Variants in LANCL2 observed in about 807,000 individuals in gnomAD.
LANCL2 encodes LanC like glutathione S-transferase 2.
Under a neutral mutation model 56.9 loss-of-function variants are expected in LANCL2, and 33 were observed. The observed-to-expected ratio is 0.58, with a 90% CI of 0.44 to 0.78. The LOEUF is 0.78. LANCL2 is among the 30% of genes least tolerant of loss of function. The pLI is 0.00. For synonymous variants in LANCL2, 233 were observed against 228.2 expected, an observed-to-expected ratio of 1.02 and a Z score of -0.19; for missense variants, 562 against 580.2, an observed-to-expected ratio of 0.97 and a Z score of 0.32.
intron 6 of LANCL2, among the ~76,000 whole-genome samples, chr7:55,422,650 C>A (rs566134558): frequency 8.5e-5 from 13 of 152,228 alleles, no homozygotes; most frequent in African/African-American, 2.4e-4. Flanking sequence ...TGCTATTTCC[C>A]TGGTTTTGTA....
intron 6 of LANCL2, among the ~76,000 whole-genome samples, chr7:55,421,595 G>A (rs1379560387): frequency 3.3e-5 from 5 of 152,012 alleles, no homozygotes; most frequent in South Asian, 2.1e-4. Context: ...CGCCAGCCTC[G>A]GCCTCCCTAA....
At chr7:55,406,448 G>T (rs534070681) in intron 5 of LANCL2, among the ~76,000 whole-genome samples, 2 of 152,146 alleles carry the variant, frequency 1.3e-5, no homozygotes, top group Non-Finnish European at 2.9e-5. Context: ...TCTGGTTCCC[G>T]CTTAGCCCTT....
At chr7:55,402,884 G>T (rs550121436) in intron 5 of LANCL2, among the ~76,000 whole-genome samples, 3 of 150,648 alleles carry the variant, frequency 2.0e-5, no homozygotes, top group Admixed American at 2.0e-4. Context: ...GACGATGGGC[G>T]GCCTGGCAGA....
intron 1 of LANCL2, among the ~76,000 whole-genome samples, chr7:55,379,144 C>T (rs144024303): frequency 0.053 from 7,720 of 145,008 alleles, 662 homozygotes; most frequent in African/African-American, 0.18. Flanking sequence ...AGCGAGACTA[C>T]GTCTCAAAAA....
At chr7:55,407,015 C>T (rs972609380) in intron 5 of LANCL2, among the ~76,000 whole-genome samples, 1 of 152,168 alleles carries the variant, frequency 6.6e-6, no homozygotes, top group African/African-American at 2.4e-5. Flanking sequence ...GCCATGTCCC[C>T]AGTAGGCATT....
At chr7:55,408,768 G>A (rs919910008) in intron 5 of LANCL2, among the ~76,000 whole-genome samples, 7 of 152,118 alleles carry the variant, frequency 4.6e-5, no homozygotes, top group Admixed American at 3.9e-4. Context: ...TCCACATCAT[G>A]CCCGTTATTG....
chr7:55,367,225 T>G (rs1458653187), intron 1 of LANCL2, among the ~76,000 whole-genome samples: 1 of 152,170 alleles, frequency 6.6e-6, no homozygotes, highest in Non-Finnish European at 1.5e-5. Flanking sequence ...AGCACAACTG[T>G]TTTCATGCTT....
At chr7:55,399,430 G>A (rs573478028) in intron 3 of LANCL2, among the ~76,000 whole-genome samples, 61 of 148,264 alleles carry the variant, frequency 4.1e-4, no homozygotes, top group African/African-American at 1.4e-3. Context: ...TGCAACGTCC[G>A]CCTCCTGGGT....
At chr7:55,378,166 T>C (rs1476834211) in intron 1 of LANCL2, among the ~76,000 whole-genome samples, 2 of 152,230 alleles carry the variant, frequency 1.3e-5, no homozygotes, top group African/African-American at 4.8e-5. Flanking sequence ...GTTATCTTTA[T>C]AATACCATTA....
intron 3 of LANCL2, 35 bp downstream of exon 3, chr7:55,398,665 T>A: frequency 6.7e-7 from 1 of 1,497,632 alleles, no homozygotes; most frequent in South Asian, 1.1e-5. Flanking sequence ...TTCTCCCAAT[T>A]CCCAGTGGAA....
intron 2 of LANCL2, among the ~76,000 whole-genome samples, chr7:55,393,250 G>C (rs900962127): frequency 6.6e-6 from 1 of 152,136 alleles, no homozygotes; most frequent in Non-Finnish European, 1.5e-5. Flanking sequence ...AAACAGCATA[G>C]GCCAGGTGCG....
intron 6 of LANCL2, among the ~76,000 whole-genome samples, chr7:55,415,761 A>T (rs1790529323): frequency 6.6e-6 from 1 of 151,554 alleles, no homozygotes; most frequent in Admixed American, 6.6e-5. Flanking sequence ...TTACAGGCAC[A>T]CGTCACCATG....
chr7:55,428,270 C>T (rs1790687579), intron 7 of LANCL2, 105 bp from the exon 8 acceptor site: 1 of 985,354 alleles, frequency 1.0e-6, no homozygotes, highest in Non-Finnish European at 1.6e-6. Flanking sequence ...TGCCCTACAG[C>T]TGGGGGTCCA....
intron 1 of LANCL2, among the ~76,000 whole-genome samples, chr7:55,379,339 C>CT (rs1211357013): frequency 6.6e-6 from 1 of 152,144 alleles, no homozygotes; most frequent in Non-Finnish European, 1.5e-5. Flanking sequence ...GAAGTTCTGT[C>CT]TTTTTTATCA....
chr7:55,413,824 A>C (rs1046872412), intron 6 of LANCL2, among the ~76,000 whole-genome samples: 1 of 152,232 alleles, frequency 6.6e-6, no homozygotes, highest in Admixed American at 6.5e-5. Flanking sequence ...TGTCCTCTAC[A>C]TTAAGATTCT....
intron 2 of LANCL2, among the ~76,000 whole-genome samples, chr7:55,392,554 G>C (rs865982): frequency 0.17 from 24,861 of 147,944 alleles, 2,148 homozygotes; most frequent in Middle Eastern, 0.25. Flanking sequence ...TCTCACTGTT[G>C]CTGAGGTTGG....
intron 6 of LANCL2, among the ~76,000 whole-genome samples, chr7:55,414,975 C>T (rs558156515): frequency 6.5e-5 from 8 of 123,506 alleles, no homozygotes; most frequent in Admixed American, 5.3e-4. Flanking sequence ...CACAGCAAGA[C>T]CCTACCTCAA....
In LANCL2 at chr7:55,365,716, C is replaced by T; in HGVS notation, c.-310C>T. On this transcript the variant is annotated 5_prime_UTR_variant, in exon 1 of 9. Coordinates refer to ENST00000254770, the MANE Select transcript of LANCL2 (RefSeq NM_018697.4). ...GGCTCTGCGGGCCACGGGGAAGGTG[C>T]GAGGAGGCGCGAGCAGGCTGTGAGC... 3.9e-6 allele frequency: 1 copy of T among 259,690 alleles called. No individual in the cohort carries two copies. The highest frequency in any genetic ancestry group is 7.3e-6 in the Non-Finnish European group (1 of 137,050). 16.1% of individuals were successfully genotyped at this position (259,690 alleles called of 1,614,324 possible). A position where few individuals can be genotyped will look rare whatever the true frequency, so the allele number is the denominator to read the frequency against.
rs759173977 is a variant in LANCL2, at chr7:55,366,073, G to A, written c.48G>A (p.Glu16=). 81 of 1,530,098 alleles carry A rather than the reference G, an allele frequency of 5.3e-5. No individual in the cohort carries two copies. The highest frequency in any genetic ancestry group is 7.0e-5 in the Non-Finnish European group (79 of 1,134,582). The allele number at this position is 1,530,098 out of a possible 1,614,324, so 94.8% of individuals were successfully genotyped here. A position where few individuals can be genotyped will look rare whatever the true frequency, so the allele number is the denominator to read the frequency against. Reference sequence around the variant, plus strand: ...GGCTGAAGCTCCACCTGGGAGGGGAGGCAGAAATGGAGGAACGGGCGTTCG... The same window carrying A: ...GGCTGAAGCTCCACCTGGGAGGGGAAGCAGAAATGGAGGAACGGGCGTTCG... ...SKRLKLHLGG[E]AEMEERAFVN... The change falls in exon 1 of 9, where the codon GAG becomes GAA. Residue 16 remains glutamate, a synonymous_variant. Coordinates refer to ENST00000254770, the MANE Select transcript of LANCL2 (RefSeq NM_018697.4).
Sources: allele counts gnomAD v4.1 joint callset (sites outside exome capture counted in the v4.1 genomes callset), GRCh38; gene constraint gnomAD v4.1.1; transcripts MANE v1.5; gene names NCBI Gene and HGNC (gene_info 2026-07-23, HGNC 2026-07-21).